WNK1: variants seen among roughly 807,000 people sequenced by gnomAD.
WNK1 encodes the protein WNK lysine deficient protein kinase 1.
A neutral mutation model predicts 222.8 loss-of-function variants in WNK1; 38 were observed. The ratio of observed to expected loss-of-function variants is 0.17; its 90% CI spans 0.13 to 0.22. The LOEUF is 0.22. Ranked by LOEUF, WNK1 falls within the 10% of genes least tolerant of loss-of-function variation. WNK1 has a pLI of 1.00. For synonymous variants in WNK1, 1,090 were observed against 1,092.9 expected, an observed-to-expected ratio of 1.00 and a Z score of 0.05; for missense variants, 2,348 against 2,918.4, an observed-to-expected ratio of 0.80 and a Z score of 4.50.
At position 827,291 on chromosome 12, in the gene WNK1, A is replaced by G. The variant is rs1426894773; in HGVS notation, c.1153+29A>G. 8 of 1,586,778 alleles carry G rather than the reference A, an allele frequency of 5.0e-6. No homozygotes were observed. Among genetic ancestry groups the G allele is most frequent in the African/African-American group, 4.0e-5 (3 of 74,334 alleles). ...TGTTTCAGGTGTACCTTGGAGCCTG[A>G]CTGGCTTTCTCACATTCCTTTTATT... On this transcript the variant is annotated intron_variant, in intron 3 of 27. Coordinates refer to ENST00000315939, the MANE Select transcript of WNK1 (RefSeq NM_018979.4). This position sits in a 1 kb window ranked among gnomAD's most constrained non-coding sequence, Gnocchi z 4.6.
At position 881,735 on chromosome 12, in the gene WNK1, C is replaced by T. The variant is rs763536137; in HGVS notation, c.3155C>T (p.Ala1052Val). ...CAGGTTGCTCCTGCAGAGCCAGTTG[C>T]AGTAGCACAGACCCAAGCTACCCAG... ...VSQVAPAEPV[A>V]VAQTQATQPT... Residue 1052 changes from alanine (A) to valine (V), a missense_variant, in exon 13 of 28, where the codon GCA (alanine) becomes GTA (valine). This residue lies in a region of WNK1 where 547 missense variants were observed against 558.3 expected (regional missense o/e 0.98). Transcript: ENST00000315939. 11 of 1,614,184 alleles carry T rather than the reference C, an allele frequency of 6.8e-6. No individual in the cohort carries two copies. Among genetic ancestry groups the T allele is most frequent in the Non-Finnish European group, 9.3e-6 (11 of 1,180,028 alleles).
At chr12:880,630 GCTT>G (rs1953057391) in intron 11 of WNK1, 88 bp from the exon 12 acceptor site, 13 of 1,270,340 alleles carry the variant, frequency 1.0e-5, no homozygotes, top group Non-Finnish European at 1.5e-5. Flanking sequence ...TTTGCTGTGT[GCTT>G]CTTTTTTTTT....
chr12:831,375 TA>T (rs1948778996), intron 4 of WNK1, among the ~76,000 whole-genome samples: 1 of 151,816 alleles, frequency 6.6e-6, no homozygotes, highest in Admixed American at 6.6e-5. Context: ...CCATCTCTAC[TA>T]AAAATACAAA....
At chr12:801,423 TTGTGTGTGTGTGTGTGTGTG>T (rs367875366) in intron 1 of WNK1, among the ~76,000 whole-genome samples, 2 of 143,878 alleles carry the variant, frequency 1.4e-5, no homozygotes, top group Non-Finnish European at 3.0e-5. Context: ...CTTTTTTTCT[TTGTGTGTGTGTGTGTGTGTG>T]TGTGTGTGTG....
chr12:882,499 T>C (rs1377570534), intron 14 of WNK1, among the ~76,000 whole-genome samples: 2 of 152,210 alleles, frequency 1.3e-5, no homozygotes, highest in Non-Finnish European at 2.9e-5. Flanking sequence ...ATAATTTATA[T>C]AGTACTCTTC....
rs1259705118 is a variant in WNK1, at chr12:879,897, C to T, written c.2698C>T (p.Leu900=). 4 of 1,614,042 alleles carry T rather than the reference C, an allele frequency of 2.5e-6. No homozygotes were observed. The Admixed American group carries it at 6.7e-5, about 27-fold the overall frequency. ...TVVPSQLPTL[L]QPVTQLPSQV... is the part of the protein sequence containing the mutation. ...GGTTCCTAGTCAGCTTCCAACCCTT[C>T]TGCAGCCTGTGACTCAGCTGCCAAG... Residue 900 remains leucine, a synonymous_variant, in exon 11 of 28, where the codon CTG becomes TTG. Coordinates refer to ENST00000315939, the MANE Select transcript of WNK1 (RefSeq NM_018979.4).
At chr12:857,328 A>G in intron 5 of WNK1, 79 bp downstream of exon 5, 2 of 1,225,152 alleles carry the variant, frequency 1.6e-6, no homozygotes, top group East Asian at 2.4e-5. Flanking sequence ...CACACATTCT[A>G]CGGTGTATTT....
rs1402800967 is a variant in WNK1 at position 884,899 on chromosome 12, C to G, written c.4095C>G (p.Asp1365Glu). The G allele has an allele frequency of 6.2e-7, 1 of 1,614,140 alleles. No homozygotes were observed. Among genetic ancestry groups the G allele is most frequent in the Admixed American group, 1.7e-5 (1 of 60,018 alleles). Reference protein sequence around the residue: ...PVPATSSPPNDISTSVIQSEV... With the variant: ...PVPATSSPPNEISTSVIQSEV... ...CTGCAACAAGCAGCCCTCCTAATGA[C>G]ATTTCCACATCAGTAATTCAGTCTG... Residue 1365 changes from aspartate (D) to glutamate (E), a missense_variant, in exon 19 of 28, where the codon GAC becomes GAG. Transcript: ENST00000315939. The surrounding 1 kb of genome is among the most constrained non-coding windows in gnomAD (Gnocchi z 5.6).
chr12:891,705 T>G (rs1011808356), intron 22 of WNK1, among the ~76,000 whole-genome samples: 3 of 151,906 alleles, frequency 2.0e-5, no homozygotes, highest in Non-Finnish European at 2.9e-5. Context: ...AGGACCCTTT[T>G]GGGGTGCCTA....
chr12:824,025 G>C (rs1002311999), intron 2 of WNK1, among the ~76,000 whole-genome samples: 1 of 149,734 alleles, frequency 6.7e-6, no homozygotes, highest in Non-Finnish European at 1.5e-5. Flanking sequence ...TCCAACCTCA[G>C]CCTCCCGAGT....
Position 763,413 on chromosome 12 carries a change from G to C in WNK1, c.759+9089G>C, listed in dbSNP as rs1266253657. Among the ~76,000 whole-genome samples the C allele has an allele frequency of 2.3e-4, 33 of 145,798 alleles. 7 individuals are homozygous for C. Among genetic ancestry groups the C allele is most frequent in the Non-Finnish European group, 1.5e-5 (1 of 65,322 alleles). On this transcript the variant is annotated intron_variant, in intron 1 of 27. Transcript: ENST00000315939. ...AGCCTAGTCAACATGGTGAAACCCT[G>C]TCTCTACTAAAAATACAAAAAAAAA...
At chr12:899,890 G>A (rs7972490) in intron 25 of WNK1, among the ~76,000 whole-genome samples, 35,792 of 151,738 alleles carry the variant, frequency 0.24, 4,273 homozygotes, top group Middle Eastern at 0.3. Context: ...ATTGCAGAAT[G>A]GAATCTGGGT....
intron 4 of WNK1, among the ~76,000 whole-genome samples, chr12:840,770 T>C (rs1482001240): frequency 6.6e-6 from 1 of 152,216 alleles, no homozygotes; most frequent in East Asian, 1.9e-4. Flanking sequence ...ACGAAAGTAG[T>C]GGTGATGTTC....
intron 14 of WNK1, among the ~76,000 whole-genome samples, chr12:882,371 G>A (rs994941799): frequency 1.3e-5 from 2 of 151,976 alleles, no homozygotes; most frequent in Non-Finnish European, 2.9e-5. Flanking sequence ...GCTAGTTTTT[G>A]TATTTTTAGT....
intron 4 of WNK1, among the ~76,000 whole-genome samples, chr12:843,463 T>A (rs1949781977): frequency 6.6e-6 from 1 of 152,212 alleles, no homozygotes; most frequent in Non-Finnish European, 1.5e-5. Flanking sequence ...AAACAAAATT[T>A]AAAAACTTAC....
chr12:878,054 A>C, intron 9 of WNK1, 158 bp from the exon 10 acceptor site: 2 of 914,014 alleles, frequency 2.2e-6, no homozygotes, highest in Non-Finnish European at 3.4e-6. Context: ...AGGGAAAACA[A>C]ATATATAATG....
intron 1 of WNK1, among the ~76,000 whole-genome samples, chr12:788,610 C>T (rs1209214812): frequency 1.3e-5 from 2 of 152,078 alleles, no homozygotes; most frequent in African/African-American, 2.4e-5. Context: ...GTGAGAGGAC[C>T]GGGTGAGGTG....
chr12:868,262 C>G (rs1285963153), intron 8 of WNK1: 1 of 1,600,930 alleles, frequency 6.2e-7, no homozygotes, highest in South Asian at 1.1e-5. Flanking sequence ...CTATTTTATT[C>G]CTCAGGAAGC....
chr12:868,750 A>C (rs1379823755), intron 8 of WNK1: 1 of 1,614,030 alleles, frequency 6.2e-7, no homozygotes, highest in Non-Finnish European at 8.5e-7. Flanking sequence ...CTCCTCAATC[A>C]GTTGGATTAC....
Sources: allele counts gnomAD v4.1 joint callset (sites outside exome capture counted in the v4.1 genomes callset), GRCh38; gene constraint gnomAD v4.1.1; regional missense constraint gnomAD v4.1.1; non-coding constraint Gnocchi (gnomAD v3.1); transcripts MANE v1.5; gene names NCBI Gene and HGNC (gene_info 2026-07-23, HGNC 2026-07-21).